NOX4: variants seen among roughly 807,000 people sequenced by gnomAD.
The protein encoded by NOX4 is kidney oxidase-1.
A neutral mutation model predicts 87.6 loss-of-function variants in NOX4; 69 were observed. The observed-to-expected ratio is 0.79, with a 90% CI of 0.65 to 0.96. The LOEUF is 0.96. NOX4 is among the 40% of genes least tolerant of loss of function. NOX4 has a pLI of 0.00. For missense variants in NOX4, 680 were observed against 681.5 expected (o/e 1.00, Z 0.02); for synonymous variants, 275 against 238.2 (o/e 1.15, Z -1.42).
rs370025242 is a variant in NOX4, at chr11:89,387,098, G to A, written c.1074+12919C>T. On this transcript the variant is annotated intron_variant, in intron 11 of 17. Coordinates refer to ENST00000263317, the MANE Select transcript of NOX4 (RefSeq NM_016931.5). Reference sequence around the variant, plus strand: ...TGAAGCAGCCCTGAGAAACATCGCCGATTATCTCTCCATACCACCCCCAAA... The same window carrying A: ...TGAAGCAGCCCTGAGAAACATCGCCAATTATCTCTCCATACCACCCCCAAA... 3.0e-4 allele frequency among the ~76,000 whole-genome samples: 46 copies of A among 151,932 alleles called. No individual in the cohort carries two copies. In the East Asian group the frequency reaches 7.4e-3, roughly 24 times the overall value.
At chr11:89,516,055 T>C in the NOX4 span, among the ~76,000 whole-genome samples, 2 of 152,084 alleles carry the variant, frequency 1.3e-5, no homozygotes, top group Non-Finnish European at 2.9e-5. Flanking sequence ...ATGTATTATA[T>C]ATTCACTTTT....
At chr11:89,341,586 A>C (rs1946005501) in intron 14 of NOX4, among the ~76,000 whole-genome samples, 2 of 152,172 alleles carry the variant, frequency 1.3e-5, no homozygotes, top group Non-Finnish European at 2.9e-5. Context: ...CTTTTGTCAT[A>C]ATTCTAATAT....
chr11:89,506,223 GAGAA>G, the NOX4 span, among the ~76,000 whole-genome samples: 2 of 144,250 alleles, frequency 1.4e-5, no homozygotes, highest in East Asian at 2.1e-4. Context: ...GAAAGAAAGA[GAGAA>G]AGAAAGAAAG....
chr11:89,491,727 T>TACACACACAC (rs66820323), upstream of NOX4, among the ~76,000 whole-genome samples: 199 of 140,746 alleles, frequency 1.4e-3, no homozygotes, highest in African/African-American at 5.0e-3. Context: ...CGCCCCCTTG[T>TACACACACAC]ACACACACAC....
At chr11:89,427,869 C>T (rs12421792) in intron 7 of NOX4, among the ~76,000 whole-genome samples, 13,903 of 152,002 alleles carry the variant, frequency 0.091, 798 homozygotes, top group South Asian at 0.2. Context: ...ATACAGAGAA[C>T]GCCACAAAGA....
chr11:89,460,131 C>T (rs1945384771), intron 2 of NOX4, among the ~76,000 whole-genome samples: 2 of 152,082 alleles, frequency 1.3e-5, no homozygotes, highest in Admixed American at 1.3e-4. Context: ...AAACTGGATC[C>T]CTTCCTTACA....
At chr11:89,497,578 T>C (rs1337606411) in intron 1 of NOX4, among the ~76,000 whole-genome samples, 4 of 152,194 alleles carry the variant, frequency 2.6e-5, no homozygotes, top group Non-Finnish European at 5.9e-5. Context: ...CTCAGCTCAT[T>C]GAGCTCACCG....
At chr11:89,565,546 C>CT in the NOX4 span, among the ~76,000 whole-genome samples, 1 of 151,956 alleles carries the variant, frequency 6.6e-6, no homozygotes, top group African/African-American at 2.4e-5. Flanking sequence ...ATATTAGGAA[C>CT]TTTTTTTCTA....
At chr11:89,540,028 C>T in the NOX4 span, among the ~76,000 whole-genome samples, 54,608 of 151,914 alleles carry the variant, frequency 0.36, 10,142 homozygotes, top group African/African-American at 0.41. Context: ...TTAAATCTAG[C>T]CTAAGAACAG....
At chr11:89,395,035 G>A (rs1432863626) in intron 11 of NOX4, among the ~76,000 whole-genome samples, 1 of 152,130 alleles carries the variant, frequency 6.6e-6, no homozygotes, top group African/African-American at 2.4e-5. Context: ...GGATCACAGG[G>A]TCAAATGGTG....
chr11:89,582,405 G>A, the NOX4 span, among the ~76,000 whole-genome samples: 24 of 152,048 alleles, frequency 1.6e-4, no homozygotes, highest in Non-Finnish European at 3.4e-4. Flanking sequence ...ATACCCAGAA[G>A]TGGGATTGTT....
At chr11:89,573,026 G>A in the NOX4 span, among the ~76,000 whole-genome samples, 384 of 151,916 alleles carry the variant, frequency 2.5e-3, 6 homozygotes, top group Non-Finnish European at 1.7e-3. Flanking sequence ...TGGTTTTCCT[G>A]AGAAACATGT....
At chr11:89,390,813 T>C (rs1229613028) in intron 11 of NOX4, among the ~76,000 whole-genome samples, 1 of 152,186 alleles carries the variant, frequency 6.6e-6, no homozygotes, top group Non-Finnish European at 1.5e-5. Flanking sequence ...CATAGGTACA[T>C]TTTCCCCTCC....
At chr11:89,478,968 C>A (rs1445715245) in intron 2 of NOX4, among the ~76,000 whole-genome samples, 2 of 151,414 alleles carry the variant, frequency 1.3e-5, no homozygotes, top group African/African-American at 4.9e-5. Context: ...CCACTACACT[C>A]CAGCCTGGGC....
At chr11:89,564,654 C>T in the NOX4 span, among the ~76,000 whole-genome samples, 7 of 152,046 alleles carry the variant, frequency 4.6e-5, no homozygotes, top group Admixed American at 3.9e-4. Context: ...ACTTGACACA[C>T]TTGCCAAAAG....
the NOX4 span, among the ~76,000 whole-genome samples, chr11:89,565,870 A>C: frequency 6.6e-6 from 1 of 152,088 alleles, no homozygotes; most frequent in Non-Finnish European, 1.5e-5. Context: ...TATAAAAGTA[A>C]ATTACATTAA....
At chr11:89,360,805 AT>A (rs1385532574) in intron 12 of NOX4, among the ~76,000 whole-genome samples, 2 of 152,114 alleles carry the variant, frequency 1.3e-5, no homozygotes, top group African/African-American at 4.8e-5. Context: ...TTGAGCAGAC[AT>A]TTCTCAAAAG....
upstream of NOX4, among the ~76,000 whole-genome samples, chr11:89,493,529 TTATA>T (rs1946912599): frequency 6.6e-6 from 1 of 152,072 alleles, no homozygotes; most frequent in Admixed American, 6.5e-5. Context: ...GATGGAATGC[TTATA>T]TAAATGTTGG....
At chr11:89,346,329 C>A (rs993510665) in intron 13 of NOX4, among the ~76,000 whole-genome samples, 4 of 152,042 alleles carry the variant, frequency 2.6e-5, no homozygotes, top group African/African-American at 9.7e-5. Context: ...GATAAAAGTT[C>A]TTTGGCAAGG....
Sources: gnomAD v4.1 joint callset for allele counts (sites outside exome capture counted in the v4.1 genomes callset) on GRCh38, gnomAD v4.1.1 for gene constraint, MANE v1.5 for transcripts, NCBI Gene and HGNC (gene_info 2026-07-23, HGNC 2026-07-21) for gene names.